Variants in PDE8B observed in about 807,000 individuals in gnomAD.
The protein encoded by PDE8B is high affinity cAMP-specific and IBMX-insensitive 3',5'-cyclic phosphodiesterase 8B.
In PDE8B, 26 loss-of-function variants were observed where a neutral mutation model predicts 101.3. That is an observed-to-expected ratio of 0.26 (90% CI 0.19 to 0.36). PDE8B has a LOEUF of 0.36. Among genes scored for constraint, PDE8B ranks in the 10% least tolerant of loss-of-function variants. PDE8B has a pLI of 1.00. For synonymous variants in PDE8B, 424 were observed against 429.3 expected (o/e 0.99, Z 0.15); for missense variants, 810 against 1,163.1 (o/e 0.70, Z 4.42).
At chr5:77,133,516 A>G in the PDE8B span, among the ~76,000 whole-genome samples, 6 of 152,358 alleles carry the variant, frequency 3.9e-5, no homozygotes, top group African/African-American at 1.4e-4. Flanking sequence ...AGTGAGGTAT[A>G]GGCACAAGAA....
intron 5 of PDE8B, among the ~76,000 whole-genome samples, chr5:77,334,545 A>G (rs1031770896): frequency 6.6e-6 from 1 of 152,212 alleles, no homozygotes; most frequent in Non-Finnish European, 1.5e-5. Flanking sequence ...GCACAACTGT[A>G]GGACACAGTT....
the PDE8B span, among the ~76,000 whole-genome samples, chr5:77,171,228 G>T: frequency 6.6e-6 from 1 of 152,226 alleles, no homozygotes. Flanking sequence ...GCAGATGGAA[G>T]TTTGTGAACA....
intron 3 of PDE8B, among the ~76,000 whole-genome samples, chr5:77,328,505 A>T (rs1055768520): frequency 2.6e-5 from 4 of 152,306 alleles, no homozygotes; most frequent in Middle Eastern, 3.4e-3. Context: ...TCTTTGTACC[A>T]CCTTTAATTG....
At chr5:77,425,307 T>C (rs988124942) in intron 20 of PDE8B, among the ~76,000 whole-genome samples, 1 of 152,176 alleles carries the variant, frequency 6.6e-6, no homozygotes, top group Admixed American at 6.5e-5. Flanking sequence ...GTGCCTATAA[T>C]CCCAGCACTT....
chr5:77,098,295 A>T, the PDE8B span, among the ~76,000 whole-genome samples: 6,208 of 107,432 alleles, frequency 0.058, 422 homozygotes, highest in African/African-American at 0.18. Flanking sequence ...TTTTTTTTTA[A>T]AAAAAAAAAA....
chr5:77,311,925 C>T (rs967585459), intron 1 of PDE8B, 69 bp from the exon 2 acceptor site: 25 of 1,226,660 alleles, frequency 2.0e-5, no homozygotes, highest in Middle Eastern at 3.7e-4. Flanking sequence ...CAATGCGTTG[C>T]GTAAGGAAGG....
the PDE8B span, chr5:77,151,314 A>C: frequency 2.0e-5 from 3 of 152,342 alleles, no homozygotes; most frequent in Non-Finnish European, 4.4e-5. Flanking sequence ...TCCACCAGGC[A>C]TAGGATGGAA....
the PDE8B span, among the ~76,000 whole-genome samples, chr5:77,190,121 TATTA>T: frequency 6.6e-6 from 1 of 152,196 alleles, no homozygotes; most frequent in Non-Finnish European, 1.5e-5. Flanking sequence ...CCCATGTTCT[TATTA>T]ATTCTTCTCC....
intron 2 of PDE8B, among the ~76,000 whole-genome samples, chr5:77,324,773 T>A (rs1775744138): frequency 6.6e-6 from 1 of 152,214 alleles, no homozygotes; most frequent in Non-Finnish European, 1.5e-5. Context: ...TCCAGGGACT[T>A]AAAGGCAAAT....
rs538263724 is a variant in PDE8B at position 77,322,935 on chromosome 5, G to C, written c.400-2604G>C. Among the ~76,000 whole-genome samples the C allele has an allele frequency of 2.6e-5, 4 of 152,316 alleles. No individual in the cohort carries two copies. In the South Asian group the frequency reaches 8.3e-4, roughly 32 times the overall value. The stretch of plus-strand genomic sequence containing the variant: ...TGTTGTAATGCCCAACAAGAGAATT[G>C]TTATATTCTTACTGTATTAGTCAAA... On this transcript the variant is annotated intron_variant, in intron 2 of 21. Transcript: ENST00000264917.
intron 10 of PDE8B, among the ~76,000 whole-genome samples, chr5:77,391,127 A>G (rs1412743062): frequency 6.6e-6 from 1 of 152,260 alleles, no homozygotes; most frequent in African/African-American, 2.4e-5. Flanking sequence ...AAATAATTTT[A>G]GAATAATTTC....
the PDE8B span, chr5:77,139,438 G>A: frequency 6.6e-6 from 1 of 152,216 alleles, no homozygotes; most frequent in South Asian, 2.1e-4. Flanking sequence ...ATGCTGGGAT[G>A]GTTTGTTATA....
At chr5:77,273,284 A>T (rs1193963470) in intron 1 of PDE8B, among the ~76,000 whole-genome samples, 1 of 152,206 alleles carries the variant, frequency 6.6e-6, no homozygotes, top group Non-Finnish European at 1.5e-5. Context: ...CTTCTATCCT[A>T]TCAATTCTAT....
At chr5:77,147,113 C>CA in the PDE8B span, 337 of 348,010 alleles carry the variant, frequency 9.7e-4, 1 homozygote, top group African/African-American at 7.3e-3. Flanking sequence ...CTAAAAAAAG[C>CA]AAAAAAAGGA....
At chr5:77,350,919 A>T in intron 8 of PDE8B, 146 bp from the exon 9 acceptor site, 2 of 720,788 alleles carry the variant, frequency 2.8e-6, no homozygotes, top group Non-Finnish European at 5.1e-6. Flanking sequence ...CCACATCAGC[A>T]TTGCACTGGG....
rs937918466 is a variant in PDE8B, at chr5:77,386,196, A to G, written c.1168-14052A>G. 1.6e-4 allele frequency among the ~76,000 whole-genome samples: 25 copies of G among 152,172 alleles called. 1 individual carries two copies. The highest frequency in any genetic ancestry group is 7.9e-4 in the Admixed American group (12 of 15,284). ...TTTGCTGAGGAATGTTTTACTTCCA[A>G]TTATGTGGTCAATTTTGGAATAAGT... is the stretch of plus-strand genomic sequence containing the variant. On this transcript the variant is annotated intron_variant, in intron 10 of 21. Transcript: ENST00000264917.
At chr5:77,373,591 A>C (rs72766978) in intron 10 of PDE8B, among the ~76,000 whole-genome samples, 2,266 of 152,266 alleles carry the variant, frequency 0.015, 26 homozygotes, top group Non-Finnish European at 0.024. Context: ...AAAATTAGAG[A>C]GTGTATACTC....
At chr5:77,324,416 G>C (rs1775677394) in intron 2 of PDE8B, among the ~76,000 whole-genome samples, 1 of 152,198 alleles carries the variant, frequency 6.6e-6, no homozygotes, top group Admixed American at 6.5e-5. Flanking sequence ...CTTCTCCAGT[G>C]AGGGAGATGG....
chr5:77,220,124 ACTCTTGCAGGTC>A (rs1290474970), intron 1 of PDE8B, among the ~76,000 whole-genome samples: 1 of 151,774 alleles, frequency 6.6e-6, no homozygotes, highest in Non-Finnish European at 1.5e-5. Flanking sequence ...CACCCAGTAG[ACTCTTGCAGGTC>A]CTCCTGTCCT....
Sources: gnomAD v4.1 joint callset for allele counts (sites outside exome capture counted in the v4.1 genomes callset) on GRCh38, gnomAD v4.1.1 for gene constraint, MANE v1.5 for transcripts, NCBI Gene and HGNC (gene_info 2026-07-23, HGNC 2026-07-21) for gene names.